Variants in QPCTL observed in about 807,000 individuals in gnomAD.
QPCTL encodes the protein glutaminyl-peptide cyclotransferase like.
QPCTL carries 31 observed loss-of-function variants against 34.6 expected under a neutral mutation model. The observed-to-expected ratio is 0.90, with a 90% confidence interval of 0.67 to 1.21. The LOEUF is 1.21. Ranked by LOEUF, QPCTL falls within the 50% of genes most tolerant of loss-of-function variation. QPCTL has a pLI of 0.00. For missense variants in QPCTL, 474 were observed against 507.8 expected (o/e 0.93, Z 0.64); for synonymous variants, 223 against 226.9 (o/e 0.98, Z 0.15).
Position 45,697,425 on chromosome 19 carries a change from C to CAA in QPCTL, c.634-1109_634-1108dup, listed in dbSNP as rs36004965. ...TGGGCGATACAGCGAGACTCCGTCT[C>CAA]AAAAAAAAAAAAAAGAAAGAAAAAA... On this transcript the variant is annotated intron_variant, in intron 3 of 6. Transcript: ENST00000012049. Among the ~76,000 whole-genome samples the CAA allele has an allele frequency of 2.4e-3, 313 of 129,206 alleles. 4 individuals are homozygous for CAA. The highest frequency in any genetic ancestry group is 8.1e-3 in the South Asian group (32 of 3,968). 84.8% of individuals were successfully genotyped at this position (129,206 alleles called of 152,430 possible). A position where few individuals can be genotyped will look rare whatever the true frequency, so the allele number is the denominator to read the frequency against.
At chr19:45,702,557 A>G (rs1200166492) in intron 6 of QPCTL, among the ~76,000 whole-genome samples, 1 of 151,916 alleles carries the variant, frequency 6.6e-6, no homozygotes, top group Non-Finnish European at 1.5e-5. Flanking sequence ...TGAGGTCAGT[A>G]GTTTGAGACC....
rs1215252292 is a variant in QPCTL at position 45,695,835 on chromosome 19, G to T, written c.633+117G>T. On this transcript the variant is annotated intron_variant, in intron 3 of 6. Coordinates refer to ENST00000012049, the MANE Select transcript of QPCTL (RefSeq NM_017659.4). ...GTCTTCCCACTCTACTCCACGCACA[G>T]AGCCACAGGGATCTTTTTTTTTTTT... 4 of 1,176,512 alleles carry T rather than the reference G, an allele frequency of 3.4e-6. No homozygotes were observed. In the East Asian group the frequency reaches 7.9e-5, roughly 23 times the overall value. 72.9% of individuals were successfully genotyped at this position (1,176,512 alleles called of 1,614,324 possible).
rs182462909 is a variant in QPCTL at position 45,700,869 on chromosome 19, G to A, written c.887-929G>A. Among the ~76,000 whole-genome samples the A allele has an allele frequency of 9.5e-3, 1,419 of 148,634 alleles. 17 individuals carry two copies. Among genetic ancestry groups the A allele is most frequent in the Non-Finnish European group, 0.012 (827 of 67,442 alleles). ...AGCTACTCAGGAGGCTGAGGCAGGA[G>A]AATTGCTTGAACCCGGGAGGCGGAG... On this transcript the variant is annotated intron_variant, in intron 5 of 6. Transcript: ENST00000012049.
rs1455612542 is a variant in QPCTL at position 45,692,895 on chromosome 19, G to A, written c.192G>A (p.Leu64=). ...GWHRRTEELP[L]GRELRVPLIG... Reference sequence around the variant, plus strand: ...ACCGCAGGACTGAGGAGCTGCCGCTGGGCCGGGAGCTGCGGGTGAGGCTGG... The same window carrying A: ...ACCGCAGGACTGAGGAGCTGCCGCTAGGCCGGGAGCTGCGGGTGAGGCTGG... Residue 64 remains leucine (L), a synonymous_variant, in exon 1 of 7, where the codon CTG becomes CTA. Coordinates refer to ENST00000012049, the MANE Select transcript of QPCTL (RefSeq NM_017659.4). The A allele has an allele frequency of 1.9e-6, 3 of 1,542,488 alleles. No homozygotes were observed. The highest frequency in any genetic ancestry group is 2.6e-6 in the Non-Finnish European group (3 of 1,146,162).
At chr19:45,698,426 T>C (rs973683415) in intron 3 of QPCTL, 121 bp from the exon 4 acceptor site, 4 of 1,225,448 alleles carry the variant, frequency 3.3e-6, no homozygotes, top group South Asian at 1.5e-5. Context: ...GCTACCACGT[T>C]CTATGAGTGA....
intron 6 of QPCTL, among the ~76,000 whole-genome samples, 198 bp downstream of exon 6, chr19:45,702,112 G>A (rs545716667): frequency 1.3e-5 from 2 of 152,134 alleles, no homozygotes; most frequent in South Asian, 2.1e-4. Flanking sequence ...GCTAACACCG[G>A]TAAAGACCTT....
chr19:45,701,694 AC>A, intron 5 of QPCTL, 103 bp from the exon 6 acceptor site: 1 of 831,292 alleles, frequency 1.2e-6, no homozygotes, highest in Non-Finnish European at 1.9e-6. Flanking sequence ...TGTTGGGCTG[AC>A]CAGGGCTTTG....
chr19:45,702,569 G>C (rs1251584546), intron 6 of QPCTL, among the ~76,000 whole-genome samples: 5 of 151,936 alleles, frequency 3.3e-5, no homozygotes, highest in Non-Finnish European at 7.4e-5. Flanking sequence ...TTTGAGACCA[G>C]CCTGGCCAAC....
chr19:45,702,976 A>G lies in QPCTL; in HGVS notation c.1076A>G (p.Asn359Ser). The change falls in exon 7 of 7, where the codon AAT becomes AGT. Residue 359 changes from asparagine (N) to serine (S), a missense_variant. By Grantham distance (46) the Asn-to-Ser change is conservative. Transcript: ENST00000012049. ...CACACCCCTGCGGACACCGAGGTCA[A>G]TCTCCACCCACCCACGGTACACAAC... ...VWHTPADTEV[N>S]LHPPTVHNLC... The G allele has an allele frequency of 7.4e-6, 12 of 1,613,904 alleles. No homozygotes were observed. The highest frequency in any genetic ancestry group is 9.3e-6 in the Non-Finnish European group (11 of 1,179,980).
intron 2 of QPCTL, among the ~76,000 whole-genome samples, chr19:45,694,515 G>C (rs1183143742): frequency 6.6e-6 from 1 of 151,308 alleles, no homozygotes; most frequent in South Asian, 2.1e-4. Flanking sequence ...CTGTCGCCTG[G>C]GTTGGAGTGC....
rs774198633 is a variant in QPCTL, at chr19:45,698,777, T to G, written c.787-24T>G. ...GCTGGCGTCATCCTGCACGGGCCCC[T>G]CCAGTCCTAGCCTTTCTCCTTAGGA... On this transcript the variant is annotated intron_variant, in intron 4 of 6. Transcript: ENST00000012049. 9.9e-6 allele frequency: 16 copies of G among 1,613,384 alleles called. No homozygotes were observed. In the South Asian group the frequency reaches 1.6e-4, roughly 17 times the overall value.
chr19:45,693,530 A>T lies in QPCTL; in HGVS notation c.325A>T (p.Ser109Cys), dbSNP rs776405328. 26 of 1,612,162 alleles carry T rather than the reference A, an allele frequency of 1.6e-5. No homozygotes were observed. In the African/African-American group the frequency reaches 3.5e-4, roughly 22 times the overall value. Residue 109 changes from serine to cysteine, a missense_variant, in exon 2 of 7, where the codon AGC becomes TGC. Ser to Cys is a moderately radical substitution (Grantham distance 112). Coordinates refer to ENST00000012049, the MANE Select transcript of QPCTL (RefSeq NM_017659.4). ...RPLLVVRTPGSPGNLQVRKFL... is the reference protein window; with the variant it reads ...RPLLVVRTPGCPGNLQVRKFL... ...CCTGCTGGTTGTGCGAACCCCGGGC[A>T]GCCCGGGAAATCTCCAAGTCAGAAA...
intron 5 of QPCTL, 115 bp downstream of exon 5, chr19:45,699,015 C>A: frequency 1.4e-4 from 95 of 666,108 alleles, no homozygotes; most frequent in Non-Finnish European, 2.1e-4. Flanking sequence ...GTCTGGGCCA[C>A]ATAGGGAGAC....
Position 45,692,863 on chromosome 19 carries a change from G to T in QPCTL, c.160G>T (p.Gly54Cys). The change falls in exon 1 of 7, where the codon GGC becomes TGC. Residue 54 changes from glycine to cysteine, a missense_variant. Physicochemically the swap from Gly to Cys is radical, Grantham distance 159. Coordinates refer to ENST00000012049, the MANE Select transcript of QPCTL (RefSeq NM_017659.4). ...VGSAFYTIWS[G>C]WHRRTEELPL... ...CTCGGCGTTCTACACCATTTGGAGC[G>T]GCTGGCACCGCAGGACTGAGGAGCT... The T allele has an allele frequency of 1.3e-6, 2 of 1,553,874 alleles. No individual in the cohort carries two copies. The highest frequency in any genetic ancestry group is 1.7e-6 in the Non-Finnish European group (2 of 1,150,256).
chr19:45,699,093 G>A (rs1378651101), intron 5 of QPCTL, among the ~76,000 whole-genome samples, 193 bp downstream of exon 5: 1 of 149,770 alleles, frequency 6.7e-6, no homozygotes, highest in African/African-American at 2.5e-5. Context: ...GAGTGCAGTG[G>A]CATGATCTTG....
intron 3 of QPCTL, among the ~76,000 whole-genome samples, chr19:45,696,037 A>G (rs1967688424): frequency 6.6e-6 from 1 of 151,932 alleles, no homozygotes; most frequent in Non-Finnish European, 1.5e-5. Flanking sequence ...CCTGGTCATC[A>G]CAGGGATCTT....
At position 45,692,877 on chromosome 19, in the gene QPCTL, G is replaced by A. The variant is rs753344561; in HGVS notation, c.174G>A (p.Arg58=). Residue 58 remains arginine, a synonymous_variant, in exon 1 of 7, where the codon AGG becomes AGA. Transcript: ENST00000012049. ...FYTIWSGWHR[R]TEELPLGREL... ...CCATTTGGAGCGGCTGGCACCGCAG[G>A]ACTGAGGAGCTGCCGCTGGGCCGGG... 3.9e-6 allele frequency: 6 copies of A among 1,548,246 alleles called. No individual in the cohort carries two copies. The African/African-American group carries it at 8.2e-5, about 21-fold the overall frequency.
rs1291299100 is a variant in QPCTL, at chr19:45,701,830, T to A, written c.919T>A (p.Ser307Thr). Reference sequence around the variant, plus strand: ...TCTGCACCGTTTGAACCTGCTGCAGTCTCATCCCCAGGAAGTGATGTACTT... The same window carrying A: ...TCTGCACCGTTTGAACCTGCTGCAGACTCATCCCCAGGAAGTGATGTACTT... ...KRLHRLNLLQSHPQEVMYFQP... is the reference protein window; with the variant it reads ...KRLHRLNLLQTHPQEVMYFQP... The change falls in exon 6 of 7, where the codon TCT becomes ACT. Residue 307 changes from serine (S) to threonine (T), a missense_variant. By Grantham distance (58) the Ser-to-Thr change is moderately conservative. Coordinates refer to ENST00000012049, the MANE Select transcript of QPCTL (RefSeq NM_017659.4). The A allele has an allele frequency of 6.2e-7, 1 of 1,613,968 alleles. No individual in the cohort carries two copies. Among genetic ancestry groups the A allele is most frequent in the East Asian group, 2.2e-5 (1 of 44,884 alleles).
chr19:45,702,852 TG>T lies in QPCTL; in HGVS notation c.1004-49del, dbSNP rs890127522. On this transcript the variant is annotated intron_variant, in intron 6 of 6. Transcript: ENST00000012049. ...TACCTAGAGGTTGGGCTTGGGCTCC[TG>T]GGTTGTGGTGGGCTGCAGTGGACCT... The T allele has an allele frequency of 3.1e-6, 5 of 1,610,788 alleles. No homozygotes were observed. In the African/African-American group the frequency reaches 5.3e-5, roughly 17 times the overall value.
Sources: allele counts gnomAD v4.1 joint callset (sites outside exome capture counted in the v4.1 genomes callset), GRCh38; gene constraint gnomAD v4.1.1; transcripts MANE v1.5; gene names NCBI Gene and HGNC (gene_info 2026-07-23, HGNC 2026-07-21).